Variants in CHN2 observed in about 807,000 individuals in gnomAD.
CHN2 encodes chimerin 2, also known as beta-chimaerin.
A neutral mutation model predicts 56.3 loss-of-function variants in CHN2; 35 were observed. That is an observed-to-expected ratio of 0.62 (90% CI 0.47 to 0.82). The LOEUF (loss-of-function observed/expected upper bound fraction) is 0.82, where lower values mean the gene tolerates loss of function less well. CHN2 is among the 40% of genes least tolerant of loss of function. The pLI is 0.00. For synonymous variants in CHN2, 210 were observed against 212.8 expected, an observed-to-expected ratio of 0.99 and a Z score of 0.12; for missense variants, 491 against 580.5, an observed-to-expected ratio of 0.85 and a Z score of 1.58.
At chr7:29,147,033 C>T in intron 2 of CHN2, 2 of 1,539,838 alleles carry the variant, frequency 1.3e-6, no homozygotes, top group Admixed American at 2.0e-5. Flanking sequence ...TCAGAGCCAC[C>T]TGATGTGTTC....
chr7:29,194,832 G>C lies in CHN2; in HGVS notation c.-110G>C. ...GCTGGTGCTTTCTGCGCGTCCCCAG[G>C]ACTTTGCCATGGGCTGGGGGCCGCG... On this transcript the variant is annotated 5_prime_UTR_variant, in exon 1 of 13. Coordinates refer to ENST00000222792, the MANE Select transcript of CHN2 (RefSeq NM_004067.4). The C allele has an allele frequency of 9.8e-7, 1 of 1,017,048 alleles. No individual in the cohort carries two copies. The highest frequency in any genetic ancestry group is 1.3e-6 in the Non-Finnish European group (1 of 764,830). 63.0% of individuals were successfully genotyped at this position (1,017,048 alleles called of 1,614,324 possible).
intron 12 of CHN2, among the ~76,000 whole-genome samples, chr7:29,509,929 A>G (rs1420531068): frequency 1.3e-5 from 2 of 151,950 alleles, no homozygotes; most frequent in Admixed American, 6.5e-5. Context: ...GGGAGGTTAC[A>G]CAGCTGATTT....
Position 29,499,937 on chromosome 7 carries a change from GA to G in CHN2, c.811del (p.Ile271SerfsTer13). 6.2e-7 allele frequency: 1 copy of G among 1,612,946 alleles called. No homozygotes were observed. Among genetic ancestry groups the G allele is most frequent in the South Asian group, 1.1e-5 (1 of 90,816 alleles). ...ATGACTGCCAACCTGATCTCAAGAG[GA>G]TCAAGAAAGTGTACTGTTGTGACCT... ...PNDCQPDLKR[I>X]KKVYCCDLTT... is the part of the protein sequence containing the mutation. On this transcript the variant is annotated frameshift_variant, in exon 9 of 13. Transcript: ENST00000222792. LOFTEE classifies it high-confidence loss of function.
chr7:29,378,793 A>T (rs1800268880), intron 3 of CHN2, among the ~76,000 whole-genome samples: 1 of 152,186 alleles, frequency 6.6e-6, no homozygotes, highest in Non-Finnish European at 1.5e-5. Flanking sequence ...GGGAAACCCC[A>T]TCTTTATTGA....
At chr7:29,209,408 A>G (rs1208751662) in intron 1 of CHN2, among the ~76,000 whole-genome samples, 1 of 151,748 alleles carries the variant, frequency 6.6e-6, no homozygotes, top group East Asian at 1.9e-4. Context: ...TAATAATATC[A>G]CTCCCTGAAA....
At chr7:29,212,365 C>G in intron 1 of CHN2, 6 of 1,575,438 alleles carry the variant, frequency 3.8e-6, no homozygotes, top group Non-Finnish European at 5.2e-6. Flanking sequence ...TGTAAAGAAT[C>G]TTAACCTATG....
intron 7 of CHN2, chr7:29,484,005 T>G (rs1175132659): frequency 7.7e-6 from 5 of 645,506 alleles, no homozygotes; most frequent in Non-Finnish European, 1.3e-5. Context: ...TAGCATCTAT[T>G]ATTATCTTTT....
In CHN2 at chr7:29,194,999, C is replaced by T; in HGVS notation, c.49+9C>T. ...CTCGTCGGTGTCCTCCGGTGAGTTT[C>T]AGCCCGTCGGGCGCTGCTGCCGCGC... On this transcript the variant is annotated intron_variant, in intron 1 of 12. Coordinates refer to ENST00000222792, the MANE Select transcript of CHN2 (RefSeq NM_004067.4). The T allele has an allele frequency of 6.3e-7, 1 of 1,585,312 alleles. No individual in the cohort carries two copies. The highest frequency in any genetic ancestry group is 2.4e-5 in the East Asian group (1 of 41,612).
chr7:29,377,681 C>G (rs950973446), intron 3 of CHN2, among the ~76,000 whole-genome samples: 1 of 152,190 alleles, frequency 6.6e-6, no homozygotes, highest in African/African-American at 2.4e-5. Context: ...TTGCCTCAGT[C>G]TACCACTCGC....
rs567158984 is a variant in CHN2, at chr7:29,312,865, C to A, written c.50-41760C>A. 2.0e-5 allele frequency among the ~76,000 whole-genome samples: 3 copies of A among 152,012 alleles called. No individual in the cohort carries two copies. In the South Asian group the frequency reaches 6.2e-4, roughly 32 times the overall value. ...TGCAAAATACCAGCTTAAAATATACCACCAGAATATGCTATTTCTTCATTT... is the reference window on the plus strand; with the variant it reads ...TGCAAAATACCAGCTTAAAATATACAACCAGAATATGCTATTTCTTCATTT... On this transcript the variant is annotated intron_variant, in intron 1 of 12. Transcript: ENST00000222792.
intron 2 of CHN2, among the ~76,000 whole-genome samples, chr7:29,162,915 A>T (rs1404871298): frequency 1.3e-5 from 2 of 152,244 alleles, no homozygotes; most frequent in Non-Finnish European, 2.9e-5. Context: ...AATTCTGTAC[A>T]TGTGATAAAA....
At chr7:29,439,301 C>G (rs1280279891) in intron 6 of CHN2, among the ~76,000 whole-genome samples, 2 of 152,330 alleles carry the variant, frequency 1.3e-5, no homozygotes, top group South Asian at 2.1e-4. Context: ...GCCTGGTATT[C>G]TGAGTACTTA....
chr7:29,367,445 A>T (rs963160335), intron 2 of CHN2, among the ~76,000 whole-genome samples: 1 of 152,174 alleles, frequency 6.6e-6, no homozygotes, highest in Non-Finnish European at 1.5e-5. Flanking sequence ...TGTTTCATTC[A>T]CTCACAGAAT....
intron 1 of CHN2, among the ~76,000 whole-genome samples, chr7:29,240,816 T>G (rs10635121): frequency 0.031 from 4,585 of 149,342 alleles, 81 homozygotes; most frequent in Non-Finnish European, 0.043. Flanking sequence ...CTTCTTCTTC[T>G]TCGTCGTCGT....
chr7:29,369,409 T>C (rs1052757771), intron 3 of CHN2, among the ~76,000 whole-genome samples: 5 of 152,220 alleles, frequency 3.3e-5, no homozygotes, highest in Non-Finnish European at 5.9e-5. Flanking sequence ...CATTTATCTG[T>C]TTATTCTGTA....
chr7:29,328,368 C>T (rs1316506057), intron 1 of CHN2, among the ~76,000 whole-genome samples: 4 of 151,918 alleles, frequency 2.6e-5, no homozygotes, highest in South Asian at 2.1e-4. Flanking sequence ...AGTCTCAAGC[C>T]GATGAATGGC....
chr7:29,244,788 C>G lies in CHN2; in HGVS notation c.49+49798C>G, dbSNP rs1017357535. Among the ~76,000 whole-genome samples the G allele has an allele frequency of 2.0e-5, 3 of 152,194 alleles. No homozygotes were observed. In the East Asian group the frequency reaches 5.8e-4, roughly 29 times the overall value. On this transcript the variant is annotated intron_variant, in intron 1 of 12. Coordinates refer to ENST00000222792, the MANE Select transcript of CHN2 (RefSeq NM_004067.4). ...ACGTTGAGCAAGTTAAATTCCCTTA[C>G]TTTGGTTTCCTGGTCTTTTAAGGAG...
chr7:29,170,563 G>T (rs180686001), intron 2 of CHN2, among the ~76,000 whole-genome samples: 73 of 152,202 alleles, frequency 4.8e-4, no homozygotes, highest in Non-Finnish European at 9.0e-4. Context: ...TGAATATTTT[G>T]AAGAAAAATC....
chr7:29,187,868 A>G (rs575950545), intron 2 of CHN2, among the ~76,000 whole-genome samples: 5 of 152,252 alleles, frequency 3.3e-5, no homozygotes, highest in African/African-American at 1.2e-4. Context: ...TTGGGCATAC[A>G]TTCATTTACA....
Sources: allele counts gnomAD v4.1 joint callset (sites outside exome capture counted in the v4.1 genomes callset), GRCh38; gene constraint gnomAD v4.1.1; transcripts MANE v1.5; gene names NCBI Gene and HGNC (gene_info 2026-07-23, HGNC 2026-07-21).